The following SMYD3 variants were observed in gnomAD, a reference collection of about 807,000 sequenced individuals.
SMYD3 encodes SET and MYND domain containing 3, also known as histone-lysine N-methyltransferase SMYD3.
A neutral mutation model predicts 57.7 loss-of-function variants in SMYD3; 36 were observed. That is an observed-to-expected ratio of 0.62 (90% confidence interval 0.48 to 0.82). The LOEUF is 0.82. Ranked by LOEUF, SMYD3 falls within the 40% of genes least tolerant of loss-of-function variation. The pLI is 0.00. For missense variants in SMYD3, 515 were observed against 538.8 expected, an observed-to-expected ratio of 0.96 and a Z score of 0.44; for synonymous variants, 211 against 195.0, an observed-to-expected ratio of 1.08 and a Z score of -0.68.
At chr1:245,934,109 C>A (rs1176082955) in intron 5 of SMYD3, among the ~76,000 whole-genome samples, 1 of 152,218 alleles carries the variant, frequency 6.6e-6, no homozygotes, top group African/African-American at 2.4e-5. Flanking sequence ...TCCTTTAAAA[C>A]TTTTCTGTCT....
intron 5 of SMYD3, among the ~76,000 whole-genome samples, chr1:246,041,378 G>A (rs1037175437): frequency 1.3e-5 from 2 of 152,072 alleles, no homozygotes; most frequent in African/African-American, 2.4e-5. Context: ...TCCTCAGTGC[G>A]GACTTCAAAA....
intron 5 of SMYD3, among the ~76,000 whole-genome samples, chr1:246,310,144 A>G (rs887983110): frequency 6.6e-6 from 1 of 152,218 alleles, no homozygotes; most frequent in African/African-American, 2.4e-5. Context: ...TTTTGCTATA[A>G]AGATAATTAG....
At chr1:245,853,143 C>T (rs376406554) in intron 10 of SMYD3, among the ~76,000 whole-genome samples, 6 of 152,138 alleles carry the variant, frequency 3.9e-5, no homozygotes, top group East Asian at 1.9e-4. Flanking sequence ...AAACAACATA[C>T]GTGGAAAGAA....
At chr1:246,490,311 GAGA>G (rs912215132) in intron 1 of SMYD3, among the ~76,000 whole-genome samples, 2 of 152,286 alleles carry the variant, frequency 1.3e-5, no homozygotes, top group African/African-American at 2.4e-5. Flanking sequence ...TAATAATCAA[GAGA>G]AGGAGTCAGT....
chr1:246,210,662 A>G (rs1227023503), intron 5 of SMYD3, among the ~76,000 whole-genome samples: 1 of 151,600 alleles, frequency 6.6e-6, no homozygotes, highest in Non-Finnish European at 1.5e-5. Flanking sequence ...GTGAGCCGAC[A>G]TTGTGCCACT....
chr1:246,238,408 T>C (rs1401075640), intron 5 of SMYD3, among the ~76,000 whole-genome samples: 1 of 152,224 alleles, frequency 6.6e-6, no homozygotes, highest in Non-Finnish European at 1.5e-5. Context: ...TGATTATTTT[T>C]AATTCATTAA....
chr1:245,930,932 T>G (rs2056678175), intron 5 of SMYD3: 1 of 152,138 alleles, frequency 6.6e-6, no homozygotes, highest in Non-Finnish European at 1.5e-5. Flanking sequence ...GAAATGAACG[T>G]GTGTATTTAT....
intron 7 of SMYD3, among the ~76,000 whole-genome samples, chr1:245,920,528 A>T (rs977701792): frequency 2.6e-5 from 4 of 152,012 alleles, no homozygotes; most frequent in Admixed American, 6.6e-5. Context: ...AATCCTGCTA[A>T]TTTTATCTTC....
intron 2 of SMYD3, among the ~76,000 whole-genome samples, chr1:246,338,532 T>C (rs1009054166): frequency 2.0e-5 from 3 of 152,224 alleles, no homozygotes; most frequent in African/African-American, 7.2e-5. Context: ...GGCTGTAGTA[T>C]TTTCTTTTGT....
chr1:246,506,167 C>G (rs1368350709), intron 1 of SMYD3, among the ~76,000 whole-genome samples: 1 of 152,256 alleles, frequency 6.6e-6, no homozygotes, highest in African/African-American at 2.4e-5. Context: ...TCGCACTCAT[C>G]TCAAAATAGA....
intron 10 of SMYD3, among the ~76,000 whole-genome samples, chr1:245,798,437 CA>C (rs1346584383): frequency 6.9e-6 from 1 of 144,342 alleles, no homozygotes. Flanking sequence ...CACACACATA[CA>C]CACACATAAA....
intron 5 of SMYD3, among the ~76,000 whole-genome samples, chr1:246,175,412 C>T (rs1164880965): frequency 6.6e-6 from 1 of 152,196 alleles, no homozygotes; most frequent in South Asian, 2.1e-4. Flanking sequence ...GGAGTAATAA[C>T]TGTCTGCTTA....
chr1:245,856,684 C>T (rs1030687650), intron 10 of SMYD3, among the ~76,000 whole-genome samples: 1 of 152,158 alleles, frequency 6.6e-6, no homozygotes, highest in East Asian at 1.9e-4. Flanking sequence ...GTGTGGTCTT[C>T]TTTATGGATG....
chr1:246,152,122 C>T (rs970757326), intron 5 of SMYD3, among the ~76,000 whole-genome samples: 1 of 152,178 alleles, frequency 6.6e-6, no homozygotes, highest in East Asian at 1.9e-4. Flanking sequence ...GGGTTCAGCC[C>T]AGTGGCTGCT....
At chr1:245,886,817 A>C (rs4314853) in intron 8 of SMYD3, among the ~76,000 whole-genome samples, 151,914 of 152,274 alleles carry the variant, frequency 1, 75,779 homozygotes, top group Middle Eastern at 1. Context: ...CGAAAGGCCA[A>C]CCTCACTGTT....
chr1:246,206,265 G>GGAA (rs1558315177), intron 5 of SMYD3, among the ~76,000 whole-genome samples: 10 of 151,516 alleles, frequency 6.6e-5, no homozygotes, highest in Admixed American at 1.3e-4. Context: ...CATCAAAATG[G>GGAA]GGAAGGAAGG....
At chr1:245,911,506 T>G (rs566128603) in intron 8 of SMYD3, among the ~76,000 whole-genome samples, 38 of 151,514 alleles carry the variant, frequency 2.5e-4, no homozygotes, top group Admixed American at 7.2e-4. Context: ...CATATATATA[T>G]ATATACACAC....
At chr1:245,850,730 C>G (rs903501153) in intron 10 of SMYD3, among the ~76,000 whole-genome samples, 1 of 152,120 alleles carries the variant, frequency 6.6e-6, no homozygotes, top group Non-Finnish European at 1.5e-5. Flanking sequence ...CAAAATGAGG[C>G]TACCCTAAAA....
chr1:246,030,009 T>C (rs57219498), intron 5 of SMYD3, among the ~76,000 whole-genome samples: 16 of 126,088 alleles, frequency 1.3e-4, no homozygotes, highest in African/African-American at 4.6e-4. Context: ...TTTCTTTCTT[T>C]TTTTTTTTTT....
Sources: gnomAD v4.1 joint callset for allele counts (sites outside exome capture counted in the v4.1 genomes callset) on GRCh38, gnomAD v4.1.1 for gene constraint, MANE v1.5 for transcripts, NCBI Gene and HGNC (gene_info 2026-07-23, HGNC 2026-07-21) for gene names.